Variants in SOX5 observed in about 807,000 individuals in gnomAD.
SOX5 encodes SRY-box transcription factor 5.
Under a neutral mutation model 92.0 loss-of-function variants are expected in SOX5, and 9 were observed. The ratio of observed to expected loss-of-function variants is 0.10; its 90% CI spans 0.06 to 0.17. The LOEUF is 0.17. SOX5 is among the 10% of genes least tolerant of loss of function. The pLI, the probability that SOX5 is intolerant of heterozygous loss-of-function variation, is 1.00. For synonymous variants in SOX5, 344 were observed against 336.3 expected (o/e 1.02, Z -0.25); for missense variants, 642 against 944.5 (o/e 0.68, Z 4.20).
chr12:24,428,172 T>G (rs1966881343), intron 1 of SOX5, among the ~76,000 whole-genome samples: 1 of 149,418 alleles, frequency 6.7e-6, no homozygotes, highest in South Asian at 2.1e-4. Context: ...TTAACTTCAC[T>G]GAAGATCGTT....
chr12:23,790,129 T>C (rs2095445130), intron 3 of SOX5, among the ~76,000 whole-genome samples: 1 of 152,162 alleles, frequency 6.6e-6, no homozygotes, highest in Non-Finnish European at 1.5e-5. Context: ...TGATAATCAC[T>C]ATGATAATAA....
intron 1 of SOX5, 114 bp from the exon 2 acceptor site, chr12:23,896,138 C>T (rs184673447): frequency 1.4e-6 from 1 of 708,442 alleles, no homozygotes; most frequent in Admixed American, 2.4e-5. Context: ...TAGCAGAGAG[C>T]AGGAAACCAT....
intron 4 of SOX5, among the ~76,000 whole-genome samples, chr12:23,960,691 T>TA (rs1325954762): frequency 6.6e-6 from 1 of 151,168 alleles, no homozygotes; most frequent in Non-Finnish European, 1.5e-5. Flanking sequence ...ATTCAATATA[T>TA]AAATTGATAT....
intron 3 of SOX5, among the ~76,000 whole-genome samples, chr12:24,242,080 A>C (rs114771760): frequency 1.7e-3 from 256 of 152,330 alleles, no homozygotes; most frequent in African/African-American, 6.0e-3. Flanking sequence ...CTGGCCATCG[A>C]AAGTTATTTT....
At chr12:24,077,854 T>C (rs936181829) in intron 4 of SOX5, among the ~76,000 whole-genome samples, 2 of 147,550 alleles carry the variant, frequency 1.4e-5, no homozygotes, top group Non-Finnish European at 3.0e-5. Context: ...AATGGCAATT[T>C]AAAATCTTAA....
intron 6 of SOX5, among the ~76,000 whole-genome samples, chr12:23,680,401 G>A (rs181146889): frequency 6.7e-6 from 1 of 148,552 alleles, no homozygotes; most frequent in Non-Finnish European, 1.5e-5. Context: ...CAAGTTAGAC[G>A]TGATGAGAAA....
chr12:24,036,278 C>A (rs1242441085), intron 4 of SOX5, among the ~76,000 whole-genome samples: 4 of 152,074 alleles, frequency 2.6e-5, no homozygotes, highest in Non-Finnish European at 5.9e-5. Flanking sequence ...AGCCATTGCC[C>A]AGTGCCTCCT....
intron 7 of SOX5, among the ~76,000 whole-genome samples, chr12:23,653,061 T>TGGATGGAC (rs2081871786): frequency 6.6e-6 from 1 of 151,550 alleles, no homozygotes; most frequent in Non-Finnish European, 1.5e-5. Context: ...GATGGATGGA[T>TGGATGGAC]GGATGGATGG....
intron 1 of SOX5, among the ~76,000 whole-genome samples, chr12:24,373,278 T>C (rs1043858528): frequency 6.6e-6 from 1 of 152,254 alleles, no homozygotes; most frequent in African/African-American, 2.4e-5. Flanking sequence ...TCATTCTCTT[T>C]CTATTCACTT....
chr12:24,170,481 A>G (rs1258168727), intron 4 of SOX5, among the ~76,000 whole-genome samples: 1 of 152,162 alleles, frequency 6.6e-6, no homozygotes, highest in African/African-American at 2.4e-5. Flanking sequence ...ACATACACAG[A>G]ACCAGGAGAA....
chr12:23,686,390 G>A (rs552645138), intron 6 of SOX5, among the ~76,000 whole-genome samples: 2 of 152,128 alleles, frequency 1.3e-5, no homozygotes, highest in East Asian at 3.9e-4. Flanking sequence ...CTTAAGAAGG[G>A]AAATGTGAAA....
chr12:23,580,611 GCTCA>G (rs1666953773), intron 9 of SOX5, among the ~76,000 whole-genome samples: 1 of 151,978 alleles, frequency 6.6e-6, no homozygotes, highest in Admixed American at 6.6e-5. Flanking sequence ...AGTCTTAGAA[GCTCA>G]CTCATGATAT....
At chr12:23,739,476 G>A (rs187410923) in intron 5 of SOX5, among the ~76,000 whole-genome samples, 1 of 152,040 alleles carries the variant, frequency 6.6e-6, no homozygotes, top group Non-Finnish European at 1.5e-5. Context: ...ATATTAGAAC[G>A]ATTACTTTTC....
intron 2 of SOX5, among the ~76,000 whole-genome samples, chr12:24,292,773 C>T (rs936919660): frequency 6.6e-6 from 1 of 152,174 alleles, no homozygotes; most frequent in Non-Finnish European, 1.5e-5. Flanking sequence ...AACTTGTAAT[C>T]AAGTTTCTTA....
At chr12:24,428,789 A>T (rs959967489) in intron 1 of SOX5, among the ~76,000 whole-genome samples, 51 of 146,412 alleles carry the variant, frequency 3.5e-4, no homozygotes, top group Non-Finnish European at 3.0e-4. Context: ...TATAGGTCTT[A>T]TAAGTTCAGA....
intron 1 of SOX5, among the ~76,000 whole-genome samples, chr12:24,458,831 T>C (rs192696421): frequency 1.0e-3 from 152 of 152,274 alleles, no homozygotes; most frequent in African/African-American, 3.6e-3. Flanking sequence ...AATGGAGCCA[T>C]GTTTATGACT....
intron 3 of SOX5, among the ~76,000 whole-genome samples, chr12:23,841,163 A>G (rs897750484): frequency 7.2e-5 from 11 of 152,154 alleles, no homozygotes; most frequent in African/African-American, 2.7e-4. Flanking sequence ...TTAAATCAAA[A>G]AAAGATCTAA....
intron 8 of SOX5, among the ~76,000 whole-genome samples, chr12:23,631,158 A>G (rs986036426): frequency 1.3e-5 from 2 of 152,064 alleles, no homozygotes; most frequent in African/African-American, 4.8e-5. Flanking sequence ...AACAGTAACA[A>G]AAACCCCAGC....
At chr12:23,934,555 A>G (rs936916145) in intron 1 of SOX5, among the ~76,000 whole-genome samples, 1 of 150,570 alleles carries the variant, frequency 6.6e-6, no homozygotes, top group Non-Finnish European at 1.5e-5. Flanking sequence ...CATCCTCTTA[A>G]GCAGCCATAG....
Sources: allele counts gnomAD v4.1 joint callset (sites outside exome capture counted in the v4.1 genomes callset), GRCh38; gene constraint gnomAD v4.1.1; transcripts MANE v1.5; gene names NCBI Gene and HGNC (gene_info 2026-07-23, HGNC 2026-07-21).